The following ITIH2 variants were observed in gnomAD, a reference collection of about 807,000 sequenced individuals.
ITIH2 encodes inter-alpha-trypsin inhibitor heavy chain 2.
Under a neutral mutation model 104.4 loss-of-function variants are expected in ITIH2, and 103 were observed. The ratio of observed to expected loss-of-function variants is 0.99; its 90% CI spans 0.84 to 1.16. The LOEUF (loss-of-function observed/expected upper bound fraction) is 1.16. Among genes scored for constraint, ITIH2 ranks in the 50% most tolerant of loss-of-function variants. The pLI, the probability that ITIH2 is intolerant of heterozygous loss-of-function variation, is 0.00. For missense variants in ITIH2, 1,108 were observed against 1,162.4 expected, an observed-to-expected ratio of 0.95 and a Z score of 0.68; for synonymous variants, 436 against 435.4, an observed-to-expected ratio of 1.00 and a Z score of -0.02.
At chr10:7,706,019 A>G (rs1588448586) in intron 2 of ITIH2, among the ~76,000 whole-genome samples, 1 of 152,176 alleles carries the variant, frequency 6.6e-6, no homozygotes, top group African/African-American at 2.4e-5. Flanking sequence ...CGGAGCCCAC[A>G]TGCTGAGAGA....
chr10:7,716,817 C>T lies in ITIH2; in HGVS notation c.468-809C>T, dbSNP rs548639755. Among the ~76,000 whole-genome samples, 334 of 151,142 alleles carry T rather than the reference C, an allele frequency of 2.2e-3. 1 individual carries two copies. The highest frequency in any genetic ancestry group is 7.3e-3 in the African/African-American group (300 of 41,180). On this transcript the variant is annotated intron_variant, in intron 5 of 20. Coordinates refer to ENST00000358415, the MANE Select transcript of ITIH2 (RefSeq NM_002216.3). ...TCTTTCTGAAGACCTTCAGAAATAT[C>T]AAGAACTCCTATAGTGAGCCTCAAA... is the stretch of plus-strand genomic sequence containing the variant.
chr10:7,715,077 G>A (rs1472582744), intron 5 of ITIH2, among the ~76,000 whole-genome samples: 1 of 152,200 alleles, frequency 6.6e-6, no homozygotes, highest in African/African-American at 2.4e-5. Context: ...GCTCCAAGCA[G>A]AGGAAATGCC....
chr10:7,741,824 T>G (rs1162240873), intron 16 of ITIH2, among the ~76,000 whole-genome samples: 2 of 152,208 alleles, frequency 1.3e-5, no homozygotes, highest in Non-Finnish European at 2.9e-5. Flanking sequence ...CTGGTCGCAT[T>G]GAGTTATTTT....
In ITIH2 at chr10:7,749,433, T is replaced by G; in HGVS notation, c.*99T>G. On this transcript the variant is annotated 3_prime_UTR_variant, in exon 21 of 21. Transcript: ENST00000358415. ...TTGAATAATTAAAATGAACCAGATA[T>G]CAGGGTGGTTAATTAAAATGAACCA... 1 of 1,044,214 alleles carries G rather than the reference T, an allele frequency of 9.6e-7. No homozygotes were observed. The highest frequency in any genetic ancestry group is 1.4e-6 in the Non-Finnish European group (1 of 720,302). The allele number at this position is 1,044,214 out of a possible 1,614,324, so 64.7% of individuals were successfully genotyped here.
rs141068021 is a variant in ITIH2 at position 7,732,963 on chromosome 10, G to C, written c.1787+486G>C. On this transcript the variant is annotated intron_variant, in intron 14 of 20. Coordinates refer to ENST00000358415, the MANE Select transcript of ITIH2 (RefSeq NM_002216.3). ...AGGATGGTCTCGGTCTCCTGACCTC[G>C]TGATCCACCCGAGTGGGCCTCCCAA... Among the ~76,000 whole-genome samples the C allele has an allele frequency of 1.7e-3, 260 of 152,158 alleles. 1 individual carries two copies. Among genetic ancestry groups the C allele is most frequent in the African/African-American group, 5.9e-3 (244 of 41,520 alleles).
intron 12 of ITIH2, 77 bp downstream of exon 12, chr10:7,730,210 C>A: frequency 9.3e-7 from 1 of 1,079,994 alleles, no homozygotes. Context: ...AGGTATGATG[C>A]ATAACTGAAC....
At chr10:7,734,841 G>A (rs942042747) in intron 14 of ITIH2, 81 bp from the exon 15 acceptor site, 2 of 1,255,452 alleles carry the variant, frequency 1.6e-6, no homozygotes, top group East Asian at 2.3e-5. Context: ...CAGCAGTGGT[G>A]GGGTGCAGGG....
At chr10:7,723,794 CTCT>C (rs997189475) in intron 9 of ITIH2, among the ~76,000 whole-genome samples, 1 of 152,170 alleles carries the variant, frequency 6.6e-6, no homozygotes, top group African/African-American at 2.4e-5. Flanking sequence ...TCCCTTCCTT[CTCT>C]TCTTCCTCTT....
chr10:7,719,782 A>AAAAAAAAAAAAAC (rs754890159), intron 6 of ITIH2, among the ~76,000 whole-genome samples: 1 of 137,090 alleles, frequency 7.3e-6, no homozygotes, highest in Admixed American at 7.3e-5. Flanking sequence ...AAAAAAAAAA[A>AAAAAAAAAAAAAC]AGAAAGAAAG....
intron 1 of ITIH2, among the ~76,000 whole-genome samples, chr10:7,704,703 A>G (rs1344496448): frequency 3.3e-5 from 5 of 152,238 alleles, no homozygotes; most frequent in Non-Finnish European, 5.9e-5. Flanking sequence ...AAATCATTTT[A>G]TACAAAATTG....
chr10:7,737,758 T>TTATATTCTA (rs1835079027), intron 15 of ITIH2, among the ~76,000 whole-genome samples: 2 of 18,514 alleles, frequency 1.1e-4, no homozygotes, highest in Admixed American at 2.3e-3. Context: ...ATATTCTATA[T>TTATATTCTA]TATATTCTAT....
intron 1 of ITIH2, 92 bp from the exon 2 acceptor site, chr10:7,705,016 C>A: frequency 1.3e-6 from 1 of 762,936 alleles, no homozygotes; most frequent in Admixed American, 2.3e-5. Context: ...CACATGTATA[C>A]CTATGTAACA....
Position 7,712,787 on chromosome 10 carries a change from C to T in ITIH2, c.363-394C>T, listed in dbSNP as rs545220855. ...CATTGCCCTCATTCATTAAATTAGC[C>T]TTGTTGGGTTGTTTGCTCGCTCTTG... On this transcript the variant is annotated intron_variant, in intron 4 of 20. Coordinates refer to ENST00000358415, the MANE Select transcript of ITIH2 (RefSeq NM_002216.3). Among the ~76,000 whole-genome samples, 4 of 152,268 alleles carry T rather than the reference C, an allele frequency of 2.6e-5. No homozygotes were observed. In the South Asian group the frequency reaches 8.3e-4, roughly 32 times the overall value.
At position 7,730,930 on chromosome 10, in the gene ITIH2, G is replaced by A. The variant is rs531294578; in HGVS notation, c.1461+797G>A. 3.3e-5 allele frequency among the ~76,000 whole-genome samples: 5 copies of A among 152,136 alleles called. No homozygotes were observed. The East Asian group carries it at 7.7e-4, about 24-fold the overall frequency. ...GTCACCCAGGCTGGGTGACAAGTAC[G>A]TTCAATGGCAGTGCAATGGTGTGGT... On this transcript the variant is annotated intron_variant, in intron 12 of 20. Transcript: ENST00000358415.
chr10:7,708,676 G>T, intron 3 of ITIH2, among the ~76,000 whole-genome samples: 1 of 152,046 alleles, frequency 6.6e-6, no homozygotes, highest in Non-Finnish European at 1.5e-5. Context: ...TGATGGTCTT[G>T]CATTTGGAGT....
At chr10:7,729,182 G>A (rs1254772211) in intron 11 of ITIH2, among the ~76,000 whole-genome samples, 3 of 152,156 alleles carry the variant, frequency 2.0e-5, no homozygotes, top group Non-Finnish European at 2.9e-5. Flanking sequence ...ACAGGGCGGC[G>A]TGTGCCTGTA....
intron 3 of ITIH2, among the ~76,000 whole-genome samples, chr10:7,708,503 G>C (rs896144534): frequency 6.6e-6 from 1 of 152,176 alleles, no homozygotes; most frequent in Non-Finnish European, 1.5e-5. Context: ...AAGGACTGCA[G>C]ATGAAATTGT....
At chr10:7,713,964 C>T (rs139718515) in intron 5 of ITIH2, among the ~76,000 whole-genome samples, 22 of 152,146 alleles carry the variant, frequency 1.4e-4, no homozygotes, top group African/African-American at 5.1e-4. Context: ...ACTGGGATTA[C>T]GGGCTGAAAC....
chr10:7,727,799 T>C lies in ITIH2; in HGVS notation c.1250T>C (p.Ile417Thr), dbSNP rs766693296. ...GACCCCAACTCCGTCTCGCTGATCA[T>C]TTTGGTTTCTGATGGAGATCCAACA... ...LLDPNSVSLI[I>T]LVSDGDPTVG... The change falls in exon 11 of 21, where the codon ATT (isoleucine) becomes ACT (threonine). Residue 417 changes from isoleucine to threonine, a missense_variant. Coordinates refer to ENST00000358415, the MANE Select transcript of ITIH2 (RefSeq NM_002216.3). The C allele has an allele frequency of 1.4e-5, 23 of 1,614,012 alleles. No homozygotes were observed. Among genetic ancestry groups the C allele is most frequent in the Non-Finnish European group, 1.8e-5 (21 of 1,179,976 alleles).
Sources: gnomAD v4.1 joint callset for allele counts (sites outside exome capture counted in the v4.1 genomes callset) on GRCh38, gnomAD v4.1.1 for gene constraint, MANE v1.5 for transcripts, NCBI Gene and HGNC (gene_info 2026-07-23, HGNC 2026-07-21) for gene names.